The following SDR42E2 variants were observed in gnomAD, a reference collection of about 807,000 sequenced individuals.
The protein encoded by SDR42E2 is short chain dehydrogenase/reductase family 42E, member 2, also known as putative short-chain dehydrogenase/reductase family 42E member 2.
Under a neutral mutation model 10.5 loss-of-function variants are expected in SDR42E2, and 20 were observed. That is an observed-to-expected ratio of 1.90 (90% confidence interval 1.34 to 2.77). The LOEUF (loss-of-function observed/expected upper bound fraction) is 2.77. Ranked by LOEUF, SDR42E2 falls within the 30% of genes most tolerant of loss-of-function variation. The pLI is 0.00. For synonymous variants in SDR42E2, 72 were observed against 39.2 expected (o/e 1.84, Z -3.12); for missense variants, 162 against 104.2 (o/e 1.55, Z -2.42).
rs1281344490 is a variant in SDR42E2, at chr16:22,170,215, G to A, written c.395-618G>A. ...ACTAAAACTACAAAATTAGCGGGGC[G>A]TGGTGGCGCATGCCTGTAATCCCAG... On this transcript the variant is annotated intron_variant, in intron 5 of 12. Transcript: ENST00000602312. 4.6e-5 allele frequency among the ~76,000 whole-genome samples: 7 copies of A among 151,978 alleles called. No individual in the cohort carries two copies. In the East Asian group the frequency reaches 1.2e-3, roughly 25 times the overall value.
chr16:22,172,018 G>A (rs1447358242), intron 6 of SDR42E2, among the ~76,000 whole-genome samples: 2 of 152,208 alleles, frequency 1.3e-5, no homozygotes, highest in African/African-American at 4.8e-5. Context: ...GAGCCTCCCT[G>A]AGTCGGCTGC....
At chr16:22,189,502 G>C (rs747334984) in intron 12 of SDR42E2, among the ~76,000 whole-genome samples, 24 of 152,216 alleles carry the variant, frequency 1.6e-4, no homozygotes, top group Non-Finnish European at 3.1e-4. Flanking sequence ...GCCAAATGCA[G>C]GGTGTGTGTT....
chr16:22,170,859 C>G lies in SDR42E2; in HGVS notation c.421C>G (p.Leu141Val). The change falls in exon 6 of 13, where the codon CTC (leucine) becomes GTC (valine). Residue 141 changes from leucine to valine, a missense_variant. By Grantham distance (32) the Leu-to-Val change is conservative (BLOSUM62 1). Coordinates refer to ENST00000602312, the MANE Select transcript of SDR42E2 (RefSeq NM_001394319.2). ...CTGTGTTCGCCGGCGGGTTCCAAGGCTCATCTATACCAGCACTGTCAATGT... is the reference window on the plus strand; with the variant it reads ...CTGTGTTCGCCGGCGGGTTCCAAGGGTCATCTATACCAGCACTGTCAATGT... ...DVCVRRRVPR[L>V]IYTSTVNVAF... is the part of the protein sequence containing the mutation. 1.4e-6 allele frequency: 1 copy of G among 703,028 alleles called. No individual in the cohort carries two copies. Among genetic ancestry groups the G allele is most frequent in the Non-Finnish European group, 2.6e-6 (1 of 385,010 alleles). 43.5% of individuals were successfully genotyped at this position (703,028 alleles called of 1,614,324 possible). A position where few individuals can be genotyped will look rare whatever the true frequency, so the allele number is the denominator to read the frequency against.
chr16:22,174,877 T>C (rs1463757726), intron 7 of SDR42E2, among the ~76,000 whole-genome samples: 6 of 151,694 alleles, frequency 4.0e-5, no homozygotes, highest in Non-Finnish European at 8.8e-5. Flanking sequence ...TGACCCAGAG[T>C]TTAAAATTAG....
intron 12 of SDR42E2, among the ~76,000 whole-genome samples, chr16:22,189,913 C>A (rs940229363): frequency 1.3e-5 from 2 of 152,030 alleles, no homozygotes; most frequent in Non-Finnish European, 2.9e-5. Flanking sequence ...CTGGAGGGGG[C>A]GACGCAAAGG....
chr16:22,165,391 A>G (rs2046526268), intron 1 of SDR42E2, among the ~76,000 whole-genome samples, 156 bp from the exon 2 acceptor site: 1 of 152,140 alleles, frequency 6.6e-6, no homozygotes, highest in African/African-American at 2.4e-5. Flanking sequence ...CCGGGCCCAC[A>G]CTGGAGATTC....
At chr16:22,162,643 G>A (rs2046507480) in intron 1 of SDR42E2, among the ~76,000 whole-genome samples, 79 bp downstream of exon 1, 9 of 152,196 alleles carry the variant, frequency 5.9e-5, no homozygotes. Context: ...CAAGAGGGGA[G>A]GGGACCCCCA....
At position 22,165,957 on chromosome 16, in the gene SDR42E2, C is replaced by T. The variant is rs563178972; in HGVS notation, c.56-293C>T. ...CCGTACCTGGGCCAGGAGCTGGGTCCGTACCTGGGCCAGGAGCTGGGTCTG... is the reference window on the plus strand; with the variant it reads ...CCGTACCTGGGCCAGGAGCTGGGTCTGTACCTGGGCCAGGAGCTGGGTCTG... On this transcript the variant is annotated intron_variant, in intron 2 of 12. Coordinates refer to ENST00000602312, the MANE Select transcript of SDR42E2 (RefSeq NM_001394319.2). 7.4e-6 allele frequency among the ~76,000 whole-genome samples: 1 copy of T among 134,824 alleles called. No homozygotes were observed. The highest frequency in any genetic ancestry group is 2.7e-5 in the African/African-American group (1 of 36,936). The allele number at this position is 134,824 out of a possible 152,430, so 88.4% of individuals were successfully genotyped here.
Position 22,180,310 on chromosome 16 carries a change from A to C in SDR42E2, c.673-1209A>C, listed in dbSNP as rs572389601. On this transcript the variant is annotated intron_variant, in intron 8 of 12. Transcript: ENST00000602312. The stretch of plus-strand genomic sequence containing the variant: ...AGCATTTTGGGAGGCTGAGATGGGA[A>C]GATCCCTTGAGCCCAGGATTTCAAG... 5.3e-5 allele frequency among the ~76,000 whole-genome samples: 8 copies of C among 152,040 alleles called. No homozygotes were observed. The East Asian group carries it at 1.6e-3, about 30-fold the overall frequency.
intron 9 of SDR42E2, among the ~76,000 whole-genome samples, chr16:22,181,955 AAGG>A (rs140788283): frequency 0.018 from 2,746 of 152,320 alleles, 83 homozygotes; most frequent in African/African-American, 0.062. Context: ...GTAGTCCAAG[AAGG>A]AGATCCCATT....
intron 7 of SDR42E2, among the ~76,000 whole-genome samples, chr16:22,177,116 G>A (rs969272854): frequency 3.9e-5 from 6 of 152,166 alleles, no homozygotes; most frequent in African/African-American, 1.2e-4. Flanking sequence ...GCTCCACTGC[G>A]CTGATCTGTG....
intron 1 of SDR42E2, among the ~76,000 whole-genome samples, chr16:22,165,250 G>C (rs1206901113): frequency 2.3e-4 from 35 of 152,108 alleles, no homozygotes; most frequent in Non-Finnish European, 4.4e-5. Flanking sequence ...ACTACACCCG[G>C]CTAATTTTTG....
intron 11 of SDR42E2, among the ~76,000 whole-genome samples, chr16:22,185,114 C>T (rs372965584): frequency 2.0e-5 from 3 of 152,164 alleles, no homozygotes; most frequent in African/African-American, 7.2e-5. Flanking sequence ...CCTCCACCCC[C>T]GACAATGCGT....
At chr16:22,168,508 C>T (rs1437074371) in intron 4 of SDR42E2, among the ~76,000 whole-genome samples, 1 of 151,684 alleles carries the variant, frequency 6.6e-6, no homozygotes, top group Non-Finnish European at 1.5e-5. Context: ...TGAAGTGATC[C>T]GCCCACCTCG....
chr16:22,167,929 A>T (rs1347113903), intron 4 of SDR42E2, among the ~76,000 whole-genome samples: 10 of 152,228 alleles, frequency 6.6e-5, no homozygotes, highest in Admixed American at 6.5e-4. Context: ...ATAAGAATAG[A>T]TTATCTCGAG....
intron 2 of SDR42E2, among the ~76,000 whole-genome samples, chr16:22,165,872 C>CAGGAGCTGGGTCCGTACCTGGTCT (rs2046531312): frequency 1.3e-5 from 2 of 151,980 alleles, no homozygotes; most frequent in Non-Finnish European, 2.9e-5. Context: ...GTACCTGGGC[C>CAGGAGCTGGGTCCGTACCTGGTCT]AGGAGCTGGG....
chr16:22,184,096 C>T, intron 10 of SDR42E2, 85 bp from the exon 11 acceptor site: 2 of 398,636 alleles, frequency 5.0e-6, no homozygotes, highest in Non-Finnish European at 8.9e-6. Context: ...GGTACCTCTG[C>T]TGGTCCCCGG....
intron 7 of SDR42E2, among the ~76,000 whole-genome samples, chr16:22,175,538 TC>T (rs2046637184): frequency 6.8e-6 from 1 of 147,890 alleles, no homozygotes; most frequent in Non-Finnish European, 1.5e-5. Context: ...CTACACTCCT[TC>T]CTTTTTTTTT....
intron 12 of SDR42E2, 132 bp downstream of exon 12, chr16:22,186,926 A>C: frequency 2.6e-6 from 1 of 391,906 alleles, no homozygotes; most frequent in Non-Finnish European, 4.4e-6. Flanking sequence ...CTGAAGTCTC[A>C]GAACTTTCCA....
Sources: gnomAD v4.1 joint callset for allele counts (sites outside exome capture counted in the v4.1 genomes callset) on GRCh38, gnomAD v4.1.1 for gene constraint, MANE v1.5 for transcripts, NCBI Gene and HGNC (gene_info 2026-07-23, HGNC 2026-07-21) for gene names.